The following CDH8 variants were observed in gnomAD, a reference collection of about 807,000 sequenced individuals.
CDH8 encodes the protein cadherin-8.
CDH8 carries 17 observed loss-of-function variants against 68.1 expected under a neutral mutation model. The ratio of observed to expected loss-of-function variants is 0.25; its 90% CI spans 0.17 to 0.37. The LOEUF is 0.37. Among genes scored for constraint, CDH8 ranks in the 10% least tolerant of loss-of-function variants. CDH8 has a pLI of 1.00. For synonymous variants in CDH8, 372 were observed against 365.1 expected, an observed-to-expected ratio of 1.02 and a Z score of -0.21; for missense variants, 763 against 999.3, an observed-to-expected ratio of 0.76 and a Z score of 3.19.
intron 2 of CDH8, among the ~76,000 whole-genome samples, chr16:62,008,530 G>T (rs533311070): frequency 6.6e-6 from 1 of 151,828 alleles, no homozygotes; most frequent in East Asian, 2.0e-4. Flanking sequence ...GGAGGGTCTC[G>T]CTGTGTTGCC....
At chr16:61,888,949 ACTC>A (rs1230116880) in intron 3 of CDH8, among the ~76,000 whole-genome samples, 6 of 152,072 alleles carry the variant, frequency 3.9e-5, no homozygotes, top group African/African-American at 1.4e-4. Flanking sequence ...TAAAGAGAAG[ACTC>A]CTTGAGTCAT....
In CDH8 at chr16:61,652,468, A is replaced by G; in HGVS notation, c.*1140T>C. On this transcript the variant is annotated 3_prime_UTR_variant, in exon 12 of 12. Transcript: ENST00000577390. ...AAAACACCAAATACTAGGATTATGAACAAAATAGAAAACAGTCCAAAAGTT... is the reference window on the plus strand; with the variant it reads ...AAAACACCAAATACTAGGATTATGAGCAAAATAGAAAACAGTCCAAAAGTT... 8 of 989,020 alleles carry G rather than the reference A, an allele frequency of 8.1e-6. No homozygotes were observed. The highest frequency in any genetic ancestry group is 9.6e-6 in the Non-Finnish European group (8 of 832,206). The allele number at this position is 989,020 out of a possible 1,614,324, so 61.3% of individuals were successfully genotyped here.
At chr16:61,746,752 T>C (rs780338096) in intron 8 of CDH8, among the ~76,000 whole-genome samples, 4 of 152,048 alleles carry the variant, frequency 2.6e-5, no homozygotes, top group Non-Finnish European at 5.9e-5. Flanking sequence ...TCATGGATGG[T>C]GATTAAGATT....
At chr16:61,894,374 C>T (rs1322452212) in intron 3 of CDH8, among the ~76,000 whole-genome samples, 1 of 152,126 alleles carries the variant, frequency 6.6e-6, no homozygotes, top group Non-Finnish European at 1.5e-5. Flanking sequence ...AGATATGATA[C>T]TTTTACTAAA....
chr16:61,845,867 C>A (rs144374999), intron 4 of CDH8, among the ~76,000 whole-genome samples: 226 of 152,024 alleles, frequency 1.5e-3, no homozygotes, highest in African/African-American at 4.8e-3. Flanking sequence ...TTTGAAAAAC[C>A]GACTTATCCT....
chr16:61,844,846 G>A (rs1005499394), intron 4 of CDH8, among the ~76,000 whole-genome samples: 9 of 152,116 alleles, frequency 5.9e-5, no homozygotes, highest in African/African-American at 2.2e-4. Context: ...ATCAATATCT[G>A]ATCAATAACA....
At chr16:61,690,191 G>C (rs1023012352) in intron 10 of CDH8, among the ~76,000 whole-genome samples, 10 of 152,070 alleles carry the variant, frequency 6.6e-5, no homozygotes, top group Non-Finnish European at 1.5e-4. Flanking sequence ...CATCTCTGAA[G>C]TAGCCTGCTG....
At chr16:61,730,988 T>G (rs1959518084) in intron 8 of CDH8, among the ~76,000 whole-genome samples, 1 of 151,616 alleles carries the variant, frequency 6.6e-6, no homozygotes, top group Non-Finnish European at 1.5e-5. Flanking sequence ...GAAAAAGTCC[T>G]AAGGGATACA....
chr16:61,921,424 A>T (rs961028576), intron 2 of CDH8, among the ~76,000 whole-genome samples: 8 of 152,276 alleles, frequency 5.3e-5, no homozygotes, highest in Admixed American at 5.2e-4. Flanking sequence ...TATCCAAAAT[A>T]AATACAACTA....
intron 7 of CDH8, among the ~76,000 whole-genome samples, chr16:61,803,588 C>G (rs1196220342): frequency 2.0e-5 from 3 of 152,142 alleles, no homozygotes; most frequent in Admixed American, 2.0e-4. Flanking sequence ...CGTGCAGAGA[C>G]ACACATAGGT....
chr16:61,849,236 G>C (rs1481907757), intron 4 of CDH8, among the ~76,000 whole-genome samples: 1 of 151,858 alleles, frequency 6.6e-6, no homozygotes, highest in Non-Finnish European at 1.5e-5. Flanking sequence ...GTGTATGTGT[G>C]TGTGGTGTGT....
intron 10 of CDH8, among the ~76,000 whole-genome samples, chr16:61,662,372 AGT>A (rs1963585078): frequency 6.6e-6 from 1 of 151,756 alleles, no homozygotes; most frequent in South Asian, 2.1e-4. Flanking sequence ...GTAAACAGAG[AGT>A]GTGTCCTAAT....
intron 8 of CDH8, among the ~76,000 whole-genome samples, chr16:61,730,672 G>C (rs1959509885): frequency 6.6e-6 from 1 of 151,442 alleles, no homozygotes; most frequent in Non-Finnish European, 1.5e-5. Context: ...TTTAGTTGTA[G>C]ATATTTCTAG....
intron 10 of CDH8, among the ~76,000 whole-genome samples, chr16:61,698,535 C>A (rs560677995): frequency 6.6e-6 from 1 of 152,304 alleles, no homozygotes; most frequent in South Asian, 2.1e-4. Context: ...TCTGCATCCT[C>A]CTTTTTTCCC....
intron 8 of CDH8, among the ~76,000 whole-genome samples, chr16:61,739,570 G>A (rs1959801983): frequency 6.6e-6 from 1 of 151,392 alleles, no homozygotes; most frequent in Non-Finnish European, 1.5e-5. Context: ...GGTGCAAAAG[G>A]AATTGCAGCT....
chr16:61,966,477 G>A (rs1965254403), intron 2 of CDH8, among the ~76,000 whole-genome samples: 1 of 152,064 alleles, frequency 6.6e-6, no homozygotes, highest in Non-Finnish European at 1.5e-5. Context: ...GGCGGAGGTT[G>A]CAGTGAGCTG....
intron 2 of CDH8, among the ~76,000 whole-genome samples, chr16:62,017,998 C>G (rs1408834557): frequency 6.6e-6 from 1 of 152,188 alleles, no homozygotes; most frequent in African/African-American, 2.4e-5. Flanking sequence ...CACATACACA[C>G]ACACATACAA....
intron 2 of CDH8, among the ~76,000 whole-genome samples, chr16:62,012,156 C>T (rs1320951035): frequency 6.6e-6 from 1 of 152,188 alleles, no homozygotes; most frequent in Non-Finnish European, 1.5e-5. Context: ...AACACTGTAA[C>T]ACTTTTATGT....
chr16:61,782,353 T>C (rs1169561806), intron 8 of CDH8, among the ~76,000 whole-genome samples: 4 of 151,996 alleles, frequency 2.6e-5, no homozygotes, highest in Non-Finnish European at 5.9e-5. Context: ...ATCGGGTCAC[T>C]CCAACCCGAA....
Sources: allele counts gnomAD v4.1 joint callset (sites outside exome capture counted in the v4.1 genomes callset), GRCh38; gene constraint gnomAD v4.1.1; transcripts MANE v1.5; gene names NCBI Gene and HGNC (gene_info 2026-07-23, HGNC 2026-07-21).